Variants in CCDC171 observed in about 807,000 individuals in gnomAD.
CCDC171 encodes coiled-coil domain containing 171.
Under a neutral mutation model 168.2 loss-of-function variants are expected in CCDC171, and 177 were observed. The observed-to-expected ratio is 1.05, with a 90% confidence interval of 0.93 to 1.19. CCDC171 has a LOEUF of 1.19. CCDC171 is among the 50% of genes most tolerant of loss of function. CCDC171 has a pLI of 0.00. For synonymous variants in CCDC171, 687 were observed against 540.8 expected (o/e 1.27, Z -3.75); for missense variants, 1,991 against 1,539.0 (o/e 1.29, Z -4.91).
chr9:15,721,941 T>A (rs190473341), intron 12 of CCDC171, 66 bp downstream of exon 12: 8 of 720,812 alleles, frequency 1.1e-5, no homozygotes, highest in African/African-American at 7.3e-5. Flanking sequence ...TATTCCTTGC[T>A]TGTTACAAAG....
intron 6 of CCDC171, 70 bp from the exon 7 acceptor site, chr9:15,623,197 T>C: frequency 1.8e-6 from 2 of 1,105,954 alleles, no homozygotes; most frequent in Non-Finnish European, 2.5e-6. Flanking sequence ...CTCACTGTCT[T>C]CTATTGGAGT....
intron 7 of CCDC171, among the ~76,000 whole-genome samples, chr9:15,655,236 T>A (rs1461298562): frequency 6.6e-6 from 1 of 152,184 alleles, no homozygotes; most frequent in Non-Finnish European, 1.5e-5. Flanking sequence ...GAATATTAAT[T>A]TATTTTTTCG....
At chr9:15,828,155 C>T (rs572801274) in intron 21 of CCDC171, among the ~76,000 whole-genome samples, 21 of 151,994 alleles carry the variant, frequency 1.4e-4, no homozygotes, top group South Asian at 4.2e-4. Context: ...TTCAGCTTTT[C>T]GTTTTGTTTT....
rs559499335 is a variant in CCDC171, at chr9:15,712,697, C to G, written c.1319-9072C>G. Among the ~76,000 whole-genome samples the G allele has an allele frequency of 3.9e-5, 6 of 152,272 alleles. No homozygotes were observed. In the South Asian group the frequency reaches 1.2e-3, roughly 32 times the overall value. On this transcript the variant is annotated intron_variant, in intron 11 of 25. Transcript: ENST00000380701. ...GTTACTCAGTGTGATCAACCTGCCA[C>G]CAAGTTGCTATCTCATCCTCCCAGA...
chr9:15,919,012 G>A (rs1231155569), intron 24 of CCDC171, among the ~76,000 whole-genome samples: 3 of 151,584 alleles, frequency 2.0e-5, no homozygotes, highest in Non-Finnish European at 4.4e-5. Context: ...CTTGCCTTAA[G>A]TAGCTTCTCA....
intron 7 of CCDC171, among the ~76,000 whole-genome samples, chr9:15,656,713 G>T (rs560901638): frequency 6.6e-6 from 1 of 152,194 alleles, no homozygotes; most frequent in South Asian, 2.1e-4. Flanking sequence ...AAGCAGATTC[G>T]TGATTACTTG....
At chr9:15,606,684 A>G (rs1195012671) in intron 6 of CCDC171, among the ~76,000 whole-genome samples, 7 of 152,196 alleles carry the variant, frequency 4.6e-5, no homozygotes, top group Non-Finnish European at 8.8e-5. Context: ...TGTTGTTTAT[A>G]TGAGTATATA....
chr9:15,983,063 A>G (rs1831855357), intron 3 of CCDC171, among the ~76,000 whole-genome samples: 1 of 152,098 alleles, frequency 6.6e-6, no homozygotes, highest in Non-Finnish European at 1.5e-5. Flanking sequence ...TTAACTATGG[A>G]CTTGTGTTTG....
intron 21 of CCDC171, among the ~76,000 whole-genome samples, chr9:15,824,639 A>T (rs986260276): frequency 5.9e-5 from 9 of 152,128 alleles, no homozygotes; most frequent in African/African-American, 2.2e-4. Context: ...ATTAAAATAG[A>T]TGAACAGAAC....
chr9:16,015,676 C>T (rs911038329), intron 3 of CCDC171, among the ~76,000 whole-genome samples: 3 of 152,114 alleles, frequency 2.0e-5, no homozygotes, highest in Non-Finnish European at 2.9e-5. Context: ...GTGTAAAGTT[C>T]ATTGGCATTG....
chr9:15,886,168 A>T (rs1251076572), intron 24 of CCDC171: 1 of 152,226 alleles, frequency 6.6e-6, no homozygotes, highest in African/African-American at 2.4e-5. Flanking sequence ...ATGCCATAAA[A>T]CAAAGGAAAC....
intron 24 of CCDC171, among the ~76,000 whole-genome samples, chr9:15,880,431 C>T (rs76144342): frequency 0.024 from 3,665 of 150,936 alleles, 161 homozygotes; most frequent in African/African-American, 0.085. Flanking sequence ...TGCTAATGAA[C>T]ATATCTGTCA....
intron 21 of CCDC171, among the ~76,000 whole-genome samples, chr9:15,806,833 T>C (rs2059105593): frequency 6.6e-6 from 1 of 152,186 alleles, no homozygotes; most frequent in Non-Finnish European, 1.5e-5. Flanking sequence ...ACTTGTTTGC[T>C]TTCTCTCCAT....
intron 11 of CCDC171, among the ~76,000 whole-genome samples, chr9:15,704,653 A>G (rs2052065496): frequency 6.6e-6 from 1 of 152,170 alleles, no homozygotes; most frequent in South Asian, 2.1e-4. Context: ...AAATTCTCAG[A>G]TTTTCAATTC....
intron 21 of CCDC171, among the ~76,000 whole-genome samples, chr9:15,823,681 G>T (rs2059893768): frequency 6.6e-6 from 1 of 152,112 alleles, no homozygotes; most frequent in Non-Finnish European, 1.5e-5. Flanking sequence ...TTGCATGAAA[G>T]GCTTGATTCC....
intron 3 of CCDC171, among the ~76,000 whole-genome samples, chr9:16,019,596 G>T (rs199595344): frequency 1.4e-5 from 1 of 71,704 alleles, no homozygotes; most frequent in Non-Finnish European, 4.1e-5. Flanking sequence ...GAGAGAAACA[G>T]AAAGACATGG....
intron 25 of CCDC171, among the ~76,000 whole-genome samples, chr9:15,921,321 A>AT (rs1825302570): frequency 6.6e-6 from 1 of 151,684 alleles, no homozygotes; most frequent in Admixed American, 6.6e-5. Context: ...CTTTGTAACC[A>AT]GGGTATTCAA....
chr9:15,882,594 G>C (rs1477198665), intron 24 of CCDC171, among the ~76,000 whole-genome samples: 2 of 152,270 alleles, frequency 1.3e-5, no homozygotes, highest in Middle Eastern at 3.4e-3. Flanking sequence ...GATAACAATA[G>C]TGATCTTAGT....
At chr9:15,595,610 C>T (rs1325500681) in intron 6 of CCDC171, among the ~76,000 whole-genome samples, 1 of 152,144 alleles carries the variant, frequency 6.6e-6, no homozygotes, top group East Asian at 1.9e-4. Context: ...AAGAAACATA[C>T]ATCTGCATGT....
Sources: allele counts gnomAD v4.1 joint callset (sites outside exome capture counted in the v4.1 genomes callset), GRCh38; gene constraint gnomAD v4.1.1; transcripts MANE v1.5; gene names NCBI Gene and HGNC (gene_info 2026-07-23, HGNC 2026-07-21).